The following GPC5 variants were observed in gnomAD, a reference collection of about 807,000 sequenced individuals.
GPC5 encodes the protein glypican 5.
In GPC5, 47 loss-of-function variants were observed where a neutral mutation model predicts 53.9. The ratio of observed to expected loss-of-function variants is 0.87; its 90% confidence interval spans 0.69 to 1.11. The LOEUF (loss-of-function observed/expected upper bound fraction) is 1.11. Among genes scored for constraint, GPC5 ranks in the 50% most tolerant of loss-of-function variants. The pLI is 0.00. For synonymous variants in GPC5, 286 were observed against 263.3 expected, an observed-to-expected ratio of 1.09 and a Z score of -0.84; for missense variants, 748 against 713.1, an observed-to-expected ratio of 1.05 and a Z score of -0.56.
rs945921480 is a variant in GPC5, at chr13:92,053,954, C to A, written c.1402-90876C>A. ...GGCTGAGACAGGAGAATCACTTGAA[C>A]CCGGGAGGCAGAGGTTGCGATGAGC... On this transcript the variant is annotated intron_variant, in intron 6 of 7. Transcript: ENST00000377067. 2.0e-5 allele frequency among the ~76,000 whole-genome samples: 3 copies of A among 151,756 alleles called. No homozygotes were observed. In the East Asian group the frequency reaches 5.8e-4, roughly 29 times the overall value.
At chr13:91,579,209 T>C (rs2032255010) in intron 2 of GPC5, among the ~76,000 whole-genome samples, 1 of 152,204 alleles carries the variant, frequency 6.6e-6, no homozygotes, top group Admixed American at 6.5e-5. Flanking sequence ...CATACAGGTT[T>C]CCCTCGGAGG....
At chr13:91,951,411 G>A (rs928080706) in intron 6 of GPC5, among the ~76,000 whole-genome samples, 5 of 152,076 alleles carry the variant, frequency 3.3e-5, no homozygotes, top group Admixed American at 2.0e-4. Context: ...AGAACTGTTC[G>A]TTAACTCTCT....
chr13:91,593,657 C>G (rs1017768010), intron 2 of GPC5, among the ~76,000 whole-genome samples: 3 of 152,144 alleles, frequency 2.0e-5, no homozygotes, highest in African/African-American at 7.2e-5. Flanking sequence ...CTTTACTTGG[C>G]TAGACCCAGC....
intron 6 of GPC5, among the ~76,000 whole-genome samples, chr13:91,916,828 A>G (rs2039664019): frequency 6.6e-6 from 1 of 152,150 alleles, no homozygotes; most frequent in Admixed American, 6.5e-5. Flanking sequence ...ACTCACTACC[A>G]TGAAAACAGC....
chr13:92,453,332 GT>G (rs1878138811), intron 7 of GPC5, among the ~76,000 whole-genome samples: 1 of 151,924 alleles, frequency 6.6e-6, no homozygotes, highest in Admixed American at 6.6e-5. Context: ...TAATCTTGAT[GT>G]TTATGGAGTT....
At chr13:91,422,854 A>G (rs1029088916) in intron 1 of GPC5, among the ~76,000 whole-genome samples, 13 of 152,136 alleles carry the variant, frequency 8.5e-5, no homozygotes, top group African/African-American at 3.1e-4. Context: ...TGACACCTTA[A>G]TCTATGAATA....
At chr13:91,826,941 G>C (rs1166387984) in intron 5 of GPC5, among the ~76,000 whole-genome samples, 2 of 151,884 alleles carry the variant, frequency 1.3e-5, no homozygotes, top group African/African-American at 4.8e-5. Context: ...AAGGGGAGTG[G>C]GGAGGGGGAA....
intron 2 of GPC5, among the ~76,000 whole-genome samples, chr13:91,613,626 C>T (rs1455860413): frequency 6.6e-6 from 1 of 152,016 alleles, no homozygotes; most frequent in African/African-American, 2.4e-5. Context: ...TATTTTATTA[C>T]AAAATTTCAC....
chr13:92,777,668 T>C (rs1211882050), intron 7 of GPC5, among the ~76,000 whole-genome samples: 3 of 152,206 alleles, frequency 2.0e-5, no homozygotes, highest in African/African-American at 7.2e-5. Flanking sequence ...CTTTTCAATT[T>C]GGTAAATGCC....
chr13:92,107,305 T>A (rs1378660062), intron 6 of GPC5, among the ~76,000 whole-genome samples: 1 of 152,074 alleles, frequency 6.6e-6, no homozygotes, highest in Non-Finnish European at 1.5e-5. Flanking sequence ...CAGCTGAGTT[T>A]TTTTTTTCAT....
chr13:92,444,878 G>A (rs369687738), intron 7 of GPC5, among the ~76,000 whole-genome samples: 2 of 152,028 alleles, frequency 1.3e-5, no homozygotes, highest in Admixed American at 6.6e-5. Context: ...GTGACTCAGA[G>A]GTCAAGCTGA....
In GPC5 at chr13:91,684,110, A is replaced by G. The variant is rs1294869284; in HGVS notation, c.326-9077A>G. Among the ~76,000 whole-genome samples the G allele has an allele frequency of 4.6e-5, 7 of 152,184 alleles. 1 individual carries two copies. Among genetic ancestry groups the G allele is most frequent in the Admixed American group, 4.6e-4 (7 of 15,272 alleles). Reference sequence around the variant, plus strand: ...TTATTTTCTTCCCTTGATTTCTGGGACACTCCGTTTTCCTGATTTTCTTTT... The same window carrying G: ...TTATTTTCTTCCCTTGATTTCTGGGGCACTCCGTTTTCCTGATTTTCTTTT... On this transcript the variant is annotated intron_variant, in intron 2 of 7. Transcript: ENST00000377067.
intron 7 of GPC5, among the ~76,000 whole-genome samples, chr13:92,832,468 T>G (rs1878079049): frequency 6.6e-6 from 1 of 152,226 alleles, no homozygotes; most frequent in Non-Finnish European, 1.5e-5. Context: ...TTTCTAATAT[T>G]TTTTAAAACT....
At chr13:92,476,312 A>G (rs1879126847) in intron 7 of GPC5, among the ~76,000 whole-genome samples, 1 of 152,188 alleles carries the variant, frequency 6.6e-6, no homozygotes, top group Non-Finnish European at 1.5e-5. Flanking sequence ...ATCACTGGCT[A>G]TCAGAGAAAT....
intron 6 of GPC5, among the ~76,000 whole-genome samples, chr13:91,919,125 ATTC>A (rs2039686641): frequency 6.6e-6 from 1 of 151,876 alleles, no homozygotes. Flanking sequence ...GTCATCTTTA[ATTC>A]TTCTTTTTTA....
chr13:92,351,328 A>G (rs911414602), intron 7 of GPC5, among the ~76,000 whole-genome samples: 1 of 151,892 alleles, frequency 6.6e-6, no homozygotes, highest in African/African-American at 2.4e-5. Flanking sequence ...AAATTGATAC[A>G]CTTTTGAAAT....
intron 1 of GPC5, among the ~76,000 whole-genome samples, chr13:91,440,098 G>T (rs1308009555): frequency 6.6e-6 from 1 of 152,048 alleles, no homozygotes; most frequent in East Asian, 1.9e-4. Context: ...TGGGGTTCAA[G>T]GAGCTTCTTA....
chr13:91,531,837 A>T (rs565579121), intron 2 of GPC5, among the ~76,000 whole-genome samples: 17 of 152,134 alleles, frequency 1.1e-4, no homozygotes, highest in Non-Finnish European at 2.5e-4. Flanking sequence ...ATTCAACTTG[A>T]TGTTTTCTTG....
Position 92,530,353 on chromosome 13 carries a change from A to G in GPC5, c.1562-335929A>G, listed in dbSNP as rs767688506. Among the ~76,000 whole-genome samples the G allele has an allele frequency of 9.3e-4, 142 of 152,264 alleles. 2 individuals are homozygous for G. Among genetic ancestry groups the G allele is most frequent in the Non-Finnish European group, 9.7e-4 (66 of 68,022 alleles). On this transcript the variant is annotated intron_variant, in intron 7 of 7. Transcript: ENST00000377067. ...CTCAGCTCTCTGCATTTATTCAAGG[A>G]CACATGTAGTGCCACTGCCATCCAC...
Sources: allele counts gnomAD v4.1 joint callset (sites outside exome capture counted in the v4.1 genomes callset), GRCh38; gene constraint gnomAD v4.1.1; transcripts MANE v1.5; gene names NCBI Gene and HGNC (gene_info 2026-07-23, HGNC 2026-07-21).